TEX30: variants seen among roughly 807,000 people sequenced by gnomAD.
The protein encoded by TEX30 is testis expressed 30, also known as testis-expressed protein 30.
A neutral mutation model predicts 23.8 loss-of-function variants in TEX30; 14 were observed. The ratio of observed to expected loss-of-function variants is 0.59; its 90% CI spans 0.39 to 0.92. The LOEUF is 0.92. Among genes scored for constraint, TEX30 ranks in the 40% least tolerant of loss-of-function variants. The pLI, the probability that TEX30 is intolerant of heterozygous loss-of-function variation, is 0.00. For synonymous variants in TEX30, 78 were observed against 90.2 expected, an observed-to-expected ratio of 0.87 and a Z score of 0.76; for missense variants, 246 against 270.6, an observed-to-expected ratio of 0.91 and a Z score of 0.64.
chr13:102,769,222 A>T, intron 3 of TEX30, 89 bp downstream of exon 3: 1 of 1,005,758 alleles, frequency 9.9e-7, no homozygotes, highest in Non-Finnish European at 1.4e-6. Flanking sequence ...TTTTTAAATT[A>T]AACCAGATGA....
intron 3 of TEX30, among the ~76,000 whole-genome samples, chr13:102,768,985 T>G (rs1270513089): frequency 6.6e-6 from 1 of 152,218 alleles, no homozygotes; most frequent in Non-Finnish European, 1.5e-5. Context: ...GTATCATATT[T>G]ATACATGCAT....
intron 5 of TEX30, 127 bp from the exon 6 acceptor site, chr13:102,766,707 T>C: frequency 1.2e-6 from 1 of 828,986 alleles, no homozygotes; most frequent in Non-Finnish European, 1.8e-6. Context: ...GACAACTTTC[T>C]AGGTAATAGA....
chr13:102,768,238 T>C (rs1566426264), intron 4 of TEX30, 22 bp downstream of exon 4: 1 of 1,566,668 alleles, frequency 6.4e-7, no homozygotes, highest in Non-Finnish European at 8.7e-7. Context: ...AATTAACAAG[T>C]ATTCACAAGT....
chr13:102,766,208 C>G lies in TEX30; in HGVS notation c.*193G>C, dbSNP rs890592676. On this transcript the variant is annotated 3_prime_UTR_variant, in exon 6 of 6. Transcript: ENST00000376032. ...ACCACCTTCAATATTTTTACATCATCTTTATACAACTGTAACAGTGCTTTC... is the reference window on the plus strand; with the variant it reads ...ACCACCTTCAATATTTTTACATCATGTTTATACAACTGTAACAGTGCTTTC... The G allele has an allele frequency of 1.5e-5, 6 of 403,780 alleles. No homozygotes were observed. The highest frequency in any genetic ancestry group is 1.2e-4 in the African/African-American group (6 of 48,738). 25.0% of individuals were successfully genotyped at this position (403,780 alleles called of 1,614,324 possible). A position where few individuals can be genotyped will look rare whatever the true frequency, so the allele number is the denominator to read the frequency against.
chr13:102,768,217 T>C (rs1323718630), intron 4 of TEX30, 43 bp downstream of exon 4: 5 of 1,484,190 alleles, frequency 3.4e-6, no homozygotes, highest in African/African-American at 1.4e-5. Flanking sequence ...TATTCCTATA[T>C]TAAAACAGGT....
rs765244471 is a variant in TEX30 at position 102,769,294 on chromosome 13, TA to T, written c.246+16del. 116 of 1,450,788 alleles carry T rather than the reference TA, an allele frequency of 8.0e-5. 2 individuals carry two copies. In the East Asian group the frequency reaches 2.9e-3, roughly 36 times the overall value. 89.9% of individuals were successfully genotyped at this position (1,450,788 alleles called of 1,614,324 possible). On this transcript the variant is annotated intron_variant, in intron 3 of 5. Coordinates refer to ENST00000376032, the MANE Select transcript of TEX30 (RefSeq NM_138779.5). ...AACAGAATTCTGTTATAAGTAAATA[TA>T]AAGAAATTTTCTTACCAAAACTGAT...
intron 1 of TEX30, 128 bp from the exon 2 acceptor site, chr13:102,770,214 C>T: frequency 2.5e-6 from 1 of 395,222 alleles, no homozygotes; most frequent in African/African-American, 2.1e-5. Context: ...GGTGTCTTTA[C>T]ATGTACATTT....
rs1333329744 is a variant in TEX30 at position 102,769,774 on chromosome 13, A to G, written c.16-233T>C. On this transcript the variant is annotated intron_variant, in intron 2 of 5. Coordinates refer to ENST00000376032, the MANE Select transcript of TEX30 (RefSeq NM_138779.5). ...CTAACAATTCTGTGAGGCAAGCACT[A>G]TCATTATCCCCATTTTATAGATAAG... The G allele has an allele frequency of 7.5e-6, 4 of 534,860 alleles. No homozygotes were observed. In the African/African-American group the frequency reaches 7.9e-5, roughly 11 times the overall value. 33.1% of individuals were successfully genotyped at this position (534,860 alleles called of 1,614,324 possible).
At chr13:102,768,122 A>G (rs1877039566) in intron 4 of TEX30, 138 bp downstream of exon 4, 1 of 658,106 alleles carries the variant, frequency 1.5e-6, no homozygotes, top group Admixed American at 3.2e-5. Flanking sequence ...AAGTGCTTTA[A>G]CATTAAAAAG....
intron 1 of TEX30, among the ~76,000 whole-genome samples, chr13:102,773,279 G>A (rs1377441307): frequency 2.0e-5 from 3 of 152,190 alleles, no homozygotes; most frequent in Non-Finnish European, 4.4e-5. Flanking sequence ...TCACGGGCGT[G>A]CGGGGCTCGG....
chr13:102,766,195 A>G lies in TEX30; in HGVS notation c.*206T>C. ...AAATTATATGTAGACCACCTTCAAT[A>G]TTTTTACATCATCTTTATACAACTG... On this transcript the variant is annotated 3_prime_UTR_variant, in exon 6 of 6. Transcript: ENST00000376032. 1 of 372,796 alleles carries G rather than the reference A, an allele frequency of 2.7e-6. No individual in the cohort carries two copies. The highest frequency in any genetic ancestry group is 4.7e-6 in the Non-Finnish European group (1 of 212,518). 23.1% of individuals were successfully genotyped at this position (372,796 alleles called of 1,614,324 possible).
At chr13:102,772,973 G>A (rs1877431700) in intron 1 of TEX30, among the ~76,000 whole-genome samples, 1 of 152,254 alleles carries the variant, frequency 6.6e-6, no homozygotes, top group African/African-American at 2.4e-5. Flanking sequence ...ACCGGCTAGA[G>A]GTGCTGCGCC....
chr13:102,771,544 A>C (rs527692123), intron 1 of TEX30, among the ~76,000 whole-genome samples: 1 of 152,272 alleles, frequency 6.6e-6, no homozygotes, highest in South Asian at 2.1e-4. Flanking sequence ...TGTGTGTGTG[A>C]GCGTGTAGAA....
rs1394238942 is a variant in TEX30 at position 102,766,383 on chromosome 13, A to G, written c.*18T>C. The G allele has an allele frequency of 1.2e-6, 2 of 1,607,170 alleles. No homozygotes were observed. Among genetic ancestry groups the G allele is most frequent in the African/African-American group, 1.3e-5 (1 of 74,760 alleles). On this transcript the variant is annotated 3_prime_UTR_variant, in exon 6 of 6. Coordinates refer to ENST00000376032, the MANE Select transcript of TEX30 (RefSeq NM_138779.5). ...ATCAAATTAACTGTATGTGTACTCA[A>G]GATAACATGGCTTTTAACTAATGAC...
chr13:102,768,890 A>T (rs79526433), intron 3 of TEX30, among the ~76,000 whole-genome samples: 22,609 of 152,258 alleles, frequency 0.15, 2,157 homozygotes, highest in South Asian at 0.21. Flanking sequence ...TATGTGGCCC[A>T]TGGGTTGGAC....
intron 1 of TEX30, among the ~76,000 whole-genome samples, chr13:102,771,962 G>A (rs1038845115): frequency 6.6e-6 from 1 of 152,184 alleles, no homozygotes. Flanking sequence ...TACAGGGTTT[G>A]CTAAGCCATA....
chr13:102,767,076 C>A (rs970439621), intron 5 of TEX30, among the ~76,000 whole-genome samples, 197 bp downstream of exon 5: 1 of 152,186 alleles, frequency 6.6e-6, no homozygotes, highest in Non-Finnish European at 1.5e-5. Context: ...TTTACCAACT[C>A]TATTTCCAGG....
chr13:102,766,442 A>C lies in TEX30; in HGVS notation c.643T>G (p.Trp215Gly). The part of the protein sequence containing the change: ...FKEINTQILF[W>G]IQEITEMDKK... ...TCCATTTCAGTAATTTCTTGGATCC[A>C]AAACAAAATCTGTGTATTTATTTCT... The change falls in exon 6 of 6, where the codon TGG becomes GGG. Residue 215 changes from tryptophan (W) to glycine (G), a missense_variant. Trp to Gly is a radical substitution (Grantham distance 184, BLOSUM62 -2). Coordinates refer to ENST00000376032, the MANE Select transcript of TEX30 (RefSeq NM_138779.5). The C allele has an allele frequency of 1.2e-6, 2 of 1,613,814 alleles. No individual in the cohort carries two copies. Among genetic ancestry groups the C allele is most frequent in the Non-Finnish European group, 1.7e-6 (2 of 1,179,870 alleles).
chr13:102,768,466 C>T (rs1295468336), intron 3 of TEX30, among the ~76,000 whole-genome samples, 155 bp from the exon 4 acceptor site: 2 of 152,164 alleles, frequency 1.3e-5, no homozygotes, highest in African/African-American at 4.8e-5. Flanking sequence ...AGTAAGCAGT[C>T]CTTCCTCTTC....
Sources: gnomAD v4.1 joint callset for allele counts (sites outside exome capture counted in the v4.1 genomes callset) on GRCh38, gnomAD v4.1.1 for gene constraint, MANE v1.5 for transcripts, NCBI Gene and HGNC (gene_info 2026-07-23, HGNC 2026-07-21) for gene names.